The following GRID2 variants were observed in gnomAD, a reference collection of about 807,000 sequenced individuals.
The protein encoded by GRID2 is glutamate receptor ionotropic, delta-2.
Under a neutral mutation model 114.8 loss-of-function variants are expected in GRID2, and 33 were observed. That is an observed-to-expected ratio of 0.29 (90% CI 0.22 to 0.38). The LOEUF (loss-of-function observed/expected upper bound fraction) is 0.38, where lower values mean the gene tolerates loss of function less well. Among genes scored for constraint, GRID2 ranks in the 10% least tolerant of loss-of-function variants. The probability of loss-of-function intolerance (pLI) is 1.00; values close to 1 mark genes in which losing one functional copy is unlikely to be tolerated. For synonymous variants in GRID2, 505 were observed against 449.9 expected (o/e 1.12, Z -1.55); for missense variants, 1,184 against 1,257.7 (o/e 0.94, Z 0.89).
intron 13 of GRID2, among the ~76,000 whole-genome samples, chr4:93,606,153 G>C (rs1027841430): frequency 5.3e-5 from 8 of 152,268 alleles, no homozygotes; most frequent in African/African-American, 1.7e-4. Context: ...TATAGTCCCA[G>C]CTACTTGGGA....
At chr4:93,542,583 G>A (rs1732760097) in intron 13 of GRID2, among the ~76,000 whole-genome samples, 1 of 152,132 alleles carries the variant, frequency 6.6e-6, no homozygotes, top group South Asian at 2.1e-4. Context: ...GGATCATAAA[G>A]TCAATAAGAT....
At chr4:93,626,563 C>CA (rs1560836145) in intron 14 of GRID2, 128 bp downstream of exon 14, 7 of 582,346 alleles carry the variant, frequency 1.2e-5, no homozygotes, top group Non-Finnish European at 3.0e-6. Flanking sequence ...ACAACAACAA[C>CA]AAAAAAGATA....
At chr4:93,353,714 G>A (rs954199935) in intron 8 of GRID2, among the ~76,000 whole-genome samples, 3 of 152,014 alleles carry the variant, frequency 2.0e-5, no homozygotes, top group Non-Finnish European at 4.4e-5. Context: ...TTCCAAAGGT[G>A]TTTTAAAAAT....
At chr4:92,536,696 TTTC>T (rs2042766952) in intron 1 of GRID2, among the ~76,000 whole-genome samples, 1 of 152,304 alleles carries the variant, frequency 6.6e-6, no homozygotes, top group African/African-American at 2.4e-5. Context: ...AAAAAATAAT[TTTC>T]TTCCCAGATT....
chr4:92,438,089 T>C (rs1579357896), intron 1 of GRID2, among the ~76,000 whole-genome samples: 1 of 152,082 alleles, frequency 6.6e-6, no homozygotes, highest in East Asian at 1.9e-4. Flanking sequence ...CCTAAGACTA[T>C]TTATGACTTT....
chr4:92,929,424 A>G (rs1750061858), intron 2 of GRID2, among the ~76,000 whole-genome samples: 1 of 151,356 alleles, frequency 6.6e-6, no homozygotes, highest in African/African-American at 2.4e-5. Flanking sequence ...TAAAAAACCT[A>G]ACTTATAACA....
intron 1 of GRID2, among the ~76,000 whole-genome samples, chr4:92,553,854 G>A (rs746850281): frequency 2.6e-5 from 4 of 151,990 alleles, no homozygotes; most frequent in Non-Finnish European, 4.4e-5. Context: ...CTTTTGCCAC[G>A]TTAGCCAGAG....
chr4:93,760,186 G>T (rs1377426828), intron 14 of GRID2, among the ~76,000 whole-genome samples: 2 of 152,168 alleles, frequency 1.3e-5, no homozygotes. Context: ...AGGTTAAGAA[G>T]TAAATCAAAT....
chr4:93,718,590 C>T (rs1049683599), intron 14 of GRID2, among the ~76,000 whole-genome samples: 3 of 152,064 alleles, frequency 2.0e-5, no homozygotes, highest in African/African-American at 4.8e-5. Context: ...AAAACAATAG[C>T]TTTTACACAG....
intron 2 of GRID2, among the ~76,000 whole-genome samples, chr4:92,785,510 T>C (rs1047594348): frequency 6.6e-6 from 1 of 151,756 alleles, no homozygotes; most frequent in African/African-American, 2.4e-5. Context: ...TCTAAGTCAG[T>C]ATTCTAACCA....
chr4:93,161,792 G>C (rs984706838), intron 4 of GRID2, among the ~76,000 whole-genome samples: 4 of 151,438 alleles, frequency 2.6e-5, no homozygotes, highest in Non-Finnish European at 5.9e-5. Context: ...TGCAATTTTT[G>C]CAGTGTAAAT....
chr4:92,714,739 A>T (rs557575014), intron 2 of GRID2, among the ~76,000 whole-genome samples: 8 of 152,276 alleles, frequency 5.3e-5, no homozygotes, highest in Non-Finnish European at 1.2e-4. Flanking sequence ...CTTGAGCTGG[A>T]CCTTGGTCCC....
chr4:93,286,074 T>C (rs1325345934), intron 8 of GRID2, among the ~76,000 whole-genome samples: 2 of 152,124 alleles, frequency 1.3e-5, no homozygotes, highest in African/African-American at 4.8e-5. Flanking sequence ...AAAAAAACTT[T>C]TTCTGCATAT....
At chr4:92,700,238 C>A (rs1246919651) in intron 2 of GRID2, among the ~76,000 whole-genome samples, 2 of 152,156 alleles carry the variant, frequency 1.3e-5, no homozygotes, top group African/African-American at 2.4e-5. Context: ...TTTATACACT[C>A]TCCTTTGATA....
intron 1 of GRID2, among the ~76,000 whole-genome samples, chr4:92,557,281 A>G (rs1391275101): frequency 6.6e-6 from 1 of 151,838 alleles, no homozygotes; most frequent in Non-Finnish European, 1.5e-5. Flanking sequence ...GTAAACACAA[A>G]CATTCATATT....
intron 1 of GRID2, among the ~76,000 whole-genome samples, chr4:92,547,844 G>T (rs1387281313): frequency 6.6e-6 from 1 of 151,912 alleles, no homozygotes; most frequent in African/African-American, 2.4e-5. Context: ...ATAATTCTAG[G>T]TTCTACAAAA....
intron 8 of GRID2, among the ~76,000 whole-genome samples, chr4:93,322,216 G>A (rs530486757): frequency 2.6e-5 from 4 of 151,850 alleles, no homozygotes; most frequent in African/African-American, 9.7e-5. Flanking sequence ...CCAACAACAG[G>A]CCCCAGTGTG....
chr4:93,591,261 A>G (rs993865230), intron 13 of GRID2, among the ~76,000 whole-genome samples: 2 of 151,762 alleles, frequency 1.3e-5, no homozygotes, highest in African/African-American at 2.4e-5. Context: ...AGTTTTTAGC[A>G]TGAAAAGTTG....
intron 2 of GRID2, among the ~76,000 whole-genome samples, chr4:92,668,301 T>A (rs1732886033): frequency 6.6e-6 from 1 of 151,808 alleles, no homozygotes; most frequent in Non-Finnish European, 1.5e-5. Context: ...CCTCAATCTT[T>A]TCCTATAATC....
Sources: gnomAD v4.1 joint callset for allele counts (sites outside exome capture counted in the v4.1 genomes callset) on GRCh38, gnomAD v4.1.1 for gene constraint, MANE v1.5 for transcripts, NCBI Gene and HGNC (gene_info 2026-07-23, HGNC 2026-07-21) for gene names.